Variants in PRICKLE1 observed in about 807,000 individuals in gnomAD.
PRICKLE1 encodes prickle-like protein 1.
A neutral mutation model predicts 70.2 loss-of-function variants in PRICKLE1; 14 were observed. That is an observed-to-expected ratio of 0.20 (90% CI 0.13 to 0.31). The LOEUF (loss-of-function observed/expected upper bound fraction) is 0.31. Ranked by LOEUF, PRICKLE1 falls within the 10% of genes least tolerant of loss-of-function variation. The pLI, the probability that PRICKLE1 is intolerant of heterozygous loss-of-function variation, is 1.00. For synonymous variants in PRICKLE1, 357 were observed against 379.9 expected (o/e 0.94, Z 0.70); for missense variants, 821 against 1,026.2 (o/e 0.80, Z 2.73).
At chr12:42,501,508 C>CAAAAAAAA (rs879927442) in intron 1 of PRICKLE1, among the ~76,000 whole-genome samples, 6 of 55,672 alleles carry the variant, frequency 1.1e-4, no homozygotes, top group Non-Finnish European at 1.9e-4. Context: ...GACTCCATCT[C>CAAAAAAAA]AAAAAAAAAA....
chr12:42,525,426 T>A (rs1354176378), intron 1 of PRICKLE1, among the ~76,000 whole-genome samples: 2 of 152,172 alleles, frequency 1.3e-5, no homozygotes, highest in Non-Finnish European at 2.9e-5. Context: ...AGCTGGTCAG[T>A]CAGAAGCACA....
chr12:42,463,339 C>T (rs1321620008), intron 7 of PRICKLE1, among the ~76,000 whole-genome samples: 2 of 151,950 alleles, frequency 1.3e-5, no homozygotes, highest in Admixed American at 6.6e-5. Flanking sequence ...GAAAACATTA[C>T]AGTAATATTT....
chr12:42,501,531 GAAA>G (rs1162905095), intron 1 of PRICKLE1, among the ~76,000 whole-genome samples: 1 of 73,420 alleles, frequency 1.4e-5, no homozygotes, highest in African/African-American at 8.2e-5. Context: ...AAAAAAAAAA[GAAA>G]AGAAAAGAGG....
At chr12:42,564,706 T>C (rs547501489) in intron 1 of PRICKLE1, among the ~76,000 whole-genome samples, 4 of 152,364 alleles carry the variant, frequency 2.6e-5, no homozygotes, top group African/African-American at 9.6e-5. Flanking sequence ...TGACTAAATA[T>C]CTTTGGAAGA....
intron 1 of PRICKLE1, among the ~76,000 whole-genome samples, chr12:42,473,325 G>A (rs1025766205): frequency 4.6e-5 from 7 of 152,164 alleles, no homozygotes; most frequent in East Asian, 1.9e-4. Context: ...GCAGGCATTC[G>A]CTGAAAAGTT....
At chr12:42,547,981 C>G (rs959740628) in intron 1 of PRICKLE1, among the ~76,000 whole-genome samples, 1 of 152,140 alleles carries the variant, frequency 6.6e-6, no homozygotes, top group African/African-American at 2.4e-5. Context: ...TACACATAGC[C>G]TGAAAGTAAT....
chr12:42,534,194 G>A (rs975001592), intron 1 of PRICKLE1, among the ~76,000 whole-genome samples: 2 of 152,196 alleles, frequency 1.3e-5, no homozygotes, highest in Non-Finnish European at 2.9e-5. Context: ...AGCAGATCCG[G>A]ATGCAGAAGG....
intron 5 of PRICKLE1, among the ~76,000 whole-genome samples, chr12:42,467,880 A>G (rs1469758663): frequency 6.6e-6 from 1 of 152,256 alleles, no homozygotes; most frequent in Non-Finnish European, 1.5e-5. Context: ...GACTAAGAAG[A>G]TACAACGAGT....
At chr12:42,468,579 A>T in intron 5 of PRICKLE1, 47 bp downstream of exon 5, 1 of 1,552,074 alleles carries the variant, frequency 6.4e-7, no homozygotes, top group South Asian at 1.1e-5. Flanking sequence ...ATATTGGCTT[A>T]ATCTAAGCTT....
intron 6 of PRICKLE1, chr12:42,465,888 T>G (rs1938078698): frequency 8.6e-6 from 4 of 463,354 alleles, no homozygotes; most frequent in Non-Finnish European, 1.6e-5. Context: ...ATTGATGGGT[T>G]GATGAAACTG....
intron 1 of PRICKLE1, among the ~76,000 whole-genome samples, chr12:42,479,508 T>C (rs1055943096): frequency 6.6e-6 from 1 of 152,218 alleles, no homozygotes; most frequent in Non-Finnish European, 1.5e-5. Context: ...TATAACACAG[T>C]GATATAATGA....
intron 1 of PRICKLE1, among the ~76,000 whole-genome samples, chr12:42,511,065 C>A (rs1211899496): frequency 3.9e-5 from 6 of 152,194 alleles, no homozygotes; most frequent in Non-Finnish European, 2.9e-5. Context: ...CCTGGGTGTG[C>A]CCCTCACTGT....
At chr12:42,562,275 G>T (rs1940530374) in intron 1 of PRICKLE1, among the ~76,000 whole-genome samples, 1 of 152,112 alleles carries the variant, frequency 6.6e-6, no homozygotes, top group South Asian at 2.1e-4. Context: ...GAAAATTAAA[G>T]TATATATGCT....
chr12:42,475,492 C>T (rs939673283), intron 1 of PRICKLE1, among the ~76,000 whole-genome samples: 2 of 152,152 alleles, frequency 1.3e-5, no homozygotes, highest in East Asian at 1.9e-4. Context: ...TAAACCCCTG[C>T]AACCCCACAC....
At chr12:42,554,675 A>C (rs1040959068) in intron 1 of PRICKLE1, among the ~76,000 whole-genome samples, 2 of 152,232 alleles carry the variant, frequency 1.3e-5, no homozygotes, top group African/African-American at 4.8e-5. Flanking sequence ...AGTTTAAAAA[A>C]GGACTTTTAA....
intron 1 of PRICKLE1, among the ~76,000 whole-genome samples, chr12:42,541,838 C>T (rs907494380): frequency 2.0e-5 from 3 of 152,172 alleles, no homozygotes; most frequent in Non-Finnish European, 2.9e-5. Flanking sequence ...GAATAGTGAG[C>T]ATGTTCACGT....
chr12:42,468,434 C>CA (rs1938186093), intron 5 of PRICKLE1, among the ~76,000 whole-genome samples, 192 bp downstream of exon 5: 2 of 152,008 alleles, frequency 1.3e-5, no homozygotes, highest in Admixed American at 1.3e-4. Flanking sequence ...ACCATTATGG[C>CA]AAAAAACCGC....
Position 42,460,034 on chromosome 12 carries a change from C to T in PRICKLE1, c.2271G>A (p.Glu757=). 6.2e-7 allele frequency: 1 copy of T among 1,614,086 alleles called. No homozygotes were observed. Among genetic ancestry groups the T allele is most frequent in the Non-Finnish European group, 8.5e-7 (1 of 1,180,014 alleles). ...AGGAAGAACACCAGGAATCATCATC[C>T]TCGCCGTAGAGTCCCAGAAACCGAT... The part of the protein sequence containing the change: ...GMNRFLGLYG[E]DDDSWCSSSS... Residue 757 remains glutamate, a synonymous_variant, in exon 8 of 8, where the codon GAG becomes GAA. Transcript: ENST00000345127.
intron 1 of PRICKLE1, among the ~76,000 whole-genome samples, chr12:42,539,648 A>G (rs746678235): frequency 2.0e-4 from 30 of 152,294 alleles, no homozygotes; most frequent in Non-Finnish European, 2.9e-4. Flanking sequence ...TAGAAATCTC[A>G]GCAATCACTA....
Sources: allele counts gnomAD v4.1 joint callset (sites outside exome capture counted in the v4.1 genomes callset), GRCh38; gene constraint gnomAD v4.1.1; transcripts MANE v1.5; gene names NCBI Gene and HGNC (gene_info 2026-07-23, HGNC 2026-07-21).